The following SLCO6A1 variants were observed in gnomAD, a reference collection of about 807,000 sequenced individuals.
SLCO6A1 encodes the protein solute carrier organic anion transporter family member 6A1.
Under a neutral mutation model 72.7 loss-of-function variants are expected in SLCO6A1, and 65 were observed. The observed-to-expected ratio is 0.89, with a 90% CI of 0.73 to 1.10. The LOEUF (loss-of-function observed/expected upper bound fraction) is 1.10. Among genes scored for constraint, SLCO6A1 ranks in the 50% least tolerant of loss-of-function variants. The pLI, the probability that SLCO6A1 is intolerant of heterozygous loss-of-function variation, is 0.00. For missense variants in SLCO6A1, 874 were observed against 872.6 expected (o/e 1.00, Z -0.02); for synonymous variants, 314 against 298.2 (o/e 1.05, Z -0.55).
intron 4 of SLCO6A1, 99 bp from the exon 5 acceptor site, chr5:102,459,876 A>C: frequency 2.9e-6 from 3 of 1,025,982 alleles, no homozygotes; most frequent in Non-Finnish European, 4.1e-6. Flanking sequence ...TGAGAGAGGG[A>C]GGGTTGGAGA....
intron 4 of SLCO6A1, among the ~76,000 whole-genome samples, chr5:102,463,098 A>T (rs191347941): frequency 6.6e-6 from 1 of 152,078 alleles, no homozygotes. Flanking sequence ...CCCATCAAAA[A>T]GTGGGCAAAG....
chr5:102,461,413 T>C (rs1751031928), intron 4 of SLCO6A1, among the ~76,000 whole-genome samples: 1 of 152,058 alleles, frequency 6.6e-6, no homozygotes, highest in Non-Finnish European at 1.5e-5. Flanking sequence ...GATTAAAACC[T>C]GAGAGTATAA....
chr5:102,449,392 A>ATTT (rs60760058), intron 6 of SLCO6A1, among the ~76,000 whole-genome samples: 281 of 148,148 alleles, frequency 1.9e-3, no homozygotes, highest in African/African-American at 6.7e-3. Context: ...GAATTTCCTG[A>ATTT]TTTTTTTTTT....
At chr5:102,408,398 G>T (rs1480026642) in intron 9 of SLCO6A1, among the ~76,000 whole-genome samples, 1 of 151,998 alleles carries the variant, frequency 6.6e-6, no homozygotes, top group African/African-American at 2.4e-5. Context: ...AGAGAGAGAG[G>T]TTAAATAGCT....
intron 1 of SLCO6A1, among the ~76,000 whole-genome samples, chr5:102,490,426 T>C (rs1401674869): frequency 6.6e-6 from 1 of 152,236 alleles, no homozygotes; most frequent in Non-Finnish European, 1.5e-5. Context: ...GCTAAAGACA[T>C]GTATTAGTCC....
At chr5:102,423,447 A>C (rs1445608751) in intron 7 of SLCO6A1, among the ~76,000 whole-genome samples, 1 of 152,192 alleles carries the variant, frequency 6.6e-6, no homozygotes, top group African/African-American at 2.4e-5. Flanking sequence ...AGCAAATGGA[A>C]AGAAGAAAAA....
At chr5:102,464,949 A>G (rs1170795106) in intron 4 of SLCO6A1, among the ~76,000 whole-genome samples, 1 of 152,132 alleles carries the variant, frequency 6.6e-6, no homozygotes, top group Non-Finnish European at 1.5e-5. Context: ...ATGATATCCA[A>G]CACAATCCAT....
chr5:102,436,071 C>A (rs1435817099), intron 7 of SLCO6A1, among the ~76,000 whole-genome samples: 1 of 152,158 alleles, frequency 6.6e-6, no homozygotes, highest in Non-Finnish European at 1.5e-5. Context: ...CCCATTGGCA[C>A]CCAAGGACAA....
At chr5:102,483,114 G>A (rs552984619) in intron 1 of SLCO6A1, among the ~76,000 whole-genome samples, 1 of 151,956 alleles carries the variant, frequency 6.6e-6, no homozygotes, top group African/African-American at 2.4e-5. Context: ...AAAGAGGCTG[G>A]CTAATATTCG....
At chr5:102,418,793 A>G (rs1748432834) in intron 8 of SLCO6A1, among the ~76,000 whole-genome samples, 1 of 152,090 alleles carries the variant, frequency 6.6e-6, no homozygotes, top group Non-Finnish European at 1.5e-5. Flanking sequence ...TCTATCTCCT[A>G]TCTACAGAGC....
Position 102,480,240 on chromosome 5 carries a change from A to G in SLCO6A1, c.553T>C (p.Ser185Pro). The G allele has an allele frequency of 6.2e-7, 1 of 1,613,006 alleles. No individual in the cohort carries two copies. The highest frequency in any genetic ancestry group is 8.5e-7 in the Non-Finnish European group (1 of 1,179,342). The stretch of plus-strand genomic sequence containing the variant: ...ATGGATGGAAAAGCACATAAAAGTG[A>G]TCCAAGTCCTATTAAAAAGGAGGAA... ...VASSFLIGLG[S>P]LLCAFPSINE... The change falls in exon 2 of 14, where the codon TCA becomes CCA. Residue 185 changes from serine to proline, a missense_variant. By Grantham distance (74) the Ser-to-Pro change is moderately conservative. Coordinates refer to ENST00000506729, the MANE Select transcript of SLCO6A1 (RefSeq NM_173488.5).
chr5:102,403,677 T>C (rs1747519368), intron 9 of SLCO6A1, among the ~76,000 whole-genome samples: 2 of 152,162 alleles, frequency 1.3e-5, no homozygotes, highest in Admixed American at 1.3e-4. Flanking sequence ...ACAGTACAGC[T>C]TAAACTATTT....
intron 12 of SLCO6A1, among the ~76,000 whole-genome samples, chr5:102,383,095 A>ATATATATATATATATATATATATGT (rs1554064835): frequency 7.8e-6 from 1 of 128,572 alleles, no homozygotes; most frequent in African/African-American, 3.0e-5. Flanking sequence ...TATGTGTGTG[A>ATATATATATATATATATATATATGT]ATATATATAT....
At chr5:102,434,702 G>A (rs1388382757) in intron 7 of SLCO6A1, among the ~76,000 whole-genome samples, 2 of 152,182 alleles carry the variant, frequency 1.3e-5, no homozygotes, top group East Asian at 1.9e-4. Flanking sequence ...TAGGTTTAAA[G>A]ACAGCTCCAT....
chr5:102,425,248 T>C lies in SLCO6A1; in HGVS notation c.1277-5227A>G, dbSNP rs139946989. On this transcript the variant is annotated intron_variant, in intron 7 of 13. Transcript: ENST00000506729. ...CCTCTCGCACCACTCCTATGCAACA[T>C]AGTATTGGAAATTCTGCCCAGGGTG... Among the ~76,000 whole-genome samples, 318 of 152,246 alleles carry C rather than the reference T, an allele frequency of 2.1e-3. 3 individuals carry two copies. Among genetic ancestry groups the C allele is most frequent in the African/African-American group, 7.3e-3 (302 of 41,558 alleles).
intron 1 of SLCO6A1, among the ~76,000 whole-genome samples, chr5:102,489,520 A>G (rs552851668): frequency 6.6e-6 from 1 of 152,300 alleles, no homozygotes; most frequent in South Asian, 2.1e-4. Flanking sequence ...AATGCTCAAC[A>G]TCACTAATCA....
At chr5:102,468,483 T>C (rs150591395) in intron 4 of SLCO6A1, among the ~76,000 whole-genome samples, 58 of 152,050 alleles carry the variant, frequency 3.8e-4, no homozygotes, top group African/African-American at 1.3e-3. Flanking sequence ...TTACATAGAG[T>C]AGTAATTATT....
At position 102,459,687 on chromosome 5, in the gene SLCO6A1, T is replaced by C. The variant is rs1276139085; in HGVS notation, c.990A>G (p.Ile330Met). Residue 330 changes from isoleucine (I) to methionine (M), a missense_variant, in exon 5 of 14, where the codon ATA (isoleucine) becomes ATG (methionine). Coordinates refer to ENST00000506729, the MANE Select transcript of SLCO6A1 (RefSeq NM_173488.5). ...TATTGTTTGGAAAGCATGACAATGG[T>C]ATTAATGTACACCATGCAACGACAG... ...FAAVVAWCTL[I>M]PLSCFPNNMP... 6 of 1,604,638 alleles carry C rather than the reference T, an allele frequency of 3.7e-6. No homozygotes were observed. The South Asian group carries it at 6.8e-5, about 18-fold the overall frequency.
chr5:102,433,172 T>A (rs970397627), intron 7 of SLCO6A1, among the ~76,000 whole-genome samples: 1 of 152,190 alleles, frequency 6.6e-6, no homozygotes, highest in Non-Finnish European at 1.5e-5. Context: ...AGATCCCGTA[T>A]ACTTTGTGAT....
Sources: allele counts gnomAD v4.1 joint callset (sites outside exome capture counted in the v4.1 genomes callset), GRCh38; gene constraint gnomAD v4.1.1; transcripts MANE v1.5; gene names NCBI Gene and HGNC (gene_info 2026-07-23, HGNC 2026-07-21).